The following TCEAL4 variants were observed in gnomAD, a reference collection of about 807,000 sequenced individuals.
TCEAL4 encodes transcription elongation factor A protein-like 4.
TCEAL4 carries 1 observed loss-of-function variant against 1.3 expected under a neutral mutation model. The observed-to-expected ratio is 0.79, with a 90% CI of 0.28 to 3.76. The LOEUF (loss-of-function observed/expected upper bound fraction) is 3.76. Among genes scored for constraint, TCEAL4 ranks in the 30% most tolerant of loss-of-function variants. The probability of loss-of-function intolerance (pLI) is 0.18; values close to 1 mark genes in which losing one functional copy is unlikely to be tolerated. For missense variants in TCEAL4, 129 were observed against 154.7 expected, an observed-to-expected ratio of 0.83 and a Z score of 0.88; for synonymous variants, 54 against 50.7, an observed-to-expected ratio of 1.06 and a Z score of -0.28.
chrX:103,584,175 G>A (rs776186048), upstream of TCEAL4, among the ~76,000 whole-genome samples: 6 of 111,049 alleles, frequency 5.4e-5, no homozygotes, highest in Admixed American at 9.6e-5. Flanking sequence ...TGATCCACCC[G>A]CCTCAGCTTC....
chrX:103,580,846 C>CA (rs958749285), upstream of TCEAL4, among the ~76,000 whole-genome samples: 5 of 111,251 alleles, frequency 4.5e-5, no homozygotes, highest in African/African-American at 1.6e-4. Context: ...GAACCAAGAG[C>CA]AAACAAACCC....
At chrX:103,579,812 C>T (rs1412524796) in intron 2 of TCEAL4, among the ~76,000 whole-genome samples, 2 of 111,857 alleles carry the variant, frequency 1.8e-5, no homozygotes, top group African/African-American at 6.5e-5. Flanking sequence ...GAAAATAAAG[C>T]TCTTCATTTT....
chrX:103,586,956 C>T lies in TCEAL4; in HGVS notation c.281C>T (p.Pro94Leu), dbSNP rs778736789. The T allele has an allele frequency of 3.3e-6, 4 of 1,208,960 alleles. No individual in the cohort carries two copies. The highest frequency in any genetic ancestry group is 4.5e-6 in the Non-Finnish European group (4 of 894,525). Residue 94 changes from proline to leucine, a missense_variant, in exon 3 of 3, where the codon CCA becomes CTA. Coordinates refer to ENST00000472484, the MANE Select transcript of TCEAL4 (RefSeq NM_001006935.3). ...GGAGGATCAGAGAGAGAGGGAAAAC[C>T]AGAGATAGAGGGAAAGCCAGAGAGT... ...MEGGSEREGK[P>L]EIEGKPESEG...
In TCEAL4 at chrX:103,579,997, T is replaced by C. The variant is rs1289181110; in HGVS notation, c.183+2784T>C. Among the ~76,000 whole-genome samples the C allele has an allele frequency of 1.1e-4, 12 of 112,178 alleles. No individual in the cohort carries two copies. The Admixed American group carries it at 1.1e-3, about 11-fold the overall frequency. ...TATTTCAGTACTATATTGGTTAAAA[T>C]TGTAGCCTTATAAGTCATTCTGCTT... is the stretch of plus-strand genomic sequence containing the variant. On this transcript the variant is annotated intron_variant, in intron 2 of 4. Transcript: ENST00000372629.
In TCEAL4 at chrX:103,586,751, G is replaced by A; in HGVS notation, c.76G>A (p.Asp26Asn). The A allele has an allele frequency of 8.3e-7, 1 of 1,211,982 alleles. No individual in the cohort carries two copies. Among genetic ancestry groups the A allele is most frequent in the Non-Finnish European group, 1.1e-6 (1 of 895,553 alleles). The change falls in exon 3 of 3, where the codon GAC (aspartate) becomes AAC (asparagine). Residue 26 changes from aspartate (D) to asparagine (N), a missense_variant. Physicochemically the swap from Asp to Asn is conservative, Grantham distance 23. Around this residue, in one of 2 missense-constraint regions of TCEAL4, gnomAD observed 116 missense variants for 120.3 expected, o/e 0.96. Coordinates refer to ENST00000472484, the MANE Select transcript of TCEAL4 (RefSeq NM_001006935.3). ...GATGGAAAATGAAGAACAGCCACAA[G>A]ACGAGAGAAAGCCAGAAGTAACTTG... ...GKMENEEQPQDERKPEVTCTL... is the reference protein window; with the variant it reads ...GKMENEEQPQNERKPEVTCTL...
Position 103,586,753 on chromosome X carries a change from C to T in TCEAL4, c.78C>T (p.Asp26=), listed in dbSNP as rs779513354. 1.7e-6 allele frequency: 2 copies of T among 1,210,950 alleles called. No homozygotes were observed. Among genetic ancestry groups the T allele is most frequent in the East Asian group, 3.0e-5 (1 of 33,819 alleles). The change falls in exon 3 of 3, where the codon GAC becomes GAT. Residue 26 remains aspartate (D), a synonymous_variant. Transcript: ENST00000472484. ...TGGAAAATGAAGAACAGCCACAAGA[C>T]GAGAGAAAGCCAGAAGTAACTTGTA... is the stretch of plus-strand genomic sequence containing the variant. ...GKMENEEQPQ[D]ERKPEVTCTL...
chrX:103,582,869 A>C (rs916459445), upstream of TCEAL4, among the ~76,000 whole-genome samples: 1 of 111,907 alleles, frequency 8.9e-6, no homozygotes, highest in African/African-American at 3.2e-5. Flanking sequence ...AAAAGCAACA[A>C]TTGACAAATG....
chrX:103,579,807 T>C (rs1352689932), intron 2 of TCEAL4, among the ~76,000 whole-genome samples: 2 of 112,176 alleles, frequency 1.8e-5, no homozygotes, highest in Non-Finnish European at 3.8e-5. Context: ...TGTCAGAAAA[T>C]AAAGCTCTTC....
chrX:103,580,606 G>A (rs1265564614), upstream of TCEAL4, among the ~76,000 whole-genome samples: 3 of 110,843 alleles, frequency 2.7e-5, no homozygotes, highest in Non-Finnish European at 3.8e-5. Context: ...ACCGGTGTGC[G>A]CCACCACACT....
chrX:103,581,617 T>C (rs1267673832), upstream of TCEAL4, among the ~76,000 whole-genome samples: 1 of 111,618 alleles, frequency 9.0e-6, no homozygotes, highest in African/African-American at 3.3e-5. Flanking sequence ...TGATTAATCA[T>C]ATAAACAGCA....
upstream of TCEAL4, among the ~76,000 whole-genome samples, chrX:103,584,129 T>C (rs1354979610): frequency 9.0e-6 from 1 of 110,550 alleles, no homozygotes; most frequent in Non-Finnish European, 1.9e-5. Flanking sequence ...GGTTTCACCA[T>C]CCTGGTCAGG....
exon 1 of TCEAL4, chrX:103,576,492 C>T (rs988958392): frequency 4.6e-5 from 53 of 1,160,136 alleles, no homozygotes; most frequent in Non-Finnish European, 5.6e-5. Flanking sequence ...GGCCAGGCGC[C>T]GCAGCTCACG....
At chrX:103,585,755 A>T in intron 1 of TCEAL4, 131 bp downstream of exon 1, 1 of 1,149,114 alleles carries the variant, frequency 8.7e-7, no homozygotes. Context: ...GTGGACAGAG[A>T]TGGCGGTGGG....
intron 2 of TCEAL4, among the ~76,000 whole-genome samples, chrX:103,579,137 G>T (rs985453559): frequency 8.9e-6 from 1 of 112,260 alleles, no homozygotes; most frequent in African/African-American, 3.2e-5. Flanking sequence ...AGGTATGAGG[G>T]CTTATTTCTG....
chrX:103,585,814 G>C, intron 1 of TCEAL4, 190 bp downstream of exon 1: 1 of 1,068,490 alleles, frequency 9.4e-7, no homozygotes. Context: ...GTGGGCAGAG[G>C]GTGAGGAAGG....
intron 1 of TCEAL4, 70 bp downstream of exon 1, chrX:103,585,694 G>A: frequency 1.3e-5 from 15 of 1,165,040 alleles, no homozygotes; most frequent in Non-Finnish European, 1.6e-5. Flanking sequence ...GTACGGCAGG[G>A]GGAAAGGCTG....
upstream of TCEAL4, chrX:103,585,482 T>C: frequency 1.8e-6 from 2 of 1,089,542 alleles, no homozygotes; most frequent in Non-Finnish European, 2.4e-6. Context: ...CGTGGGGCGG[T>C]GGAACTCCTG....
In TCEAL4 at chrX:103,587,225, A is replaced by T; in HGVS notation, c.550A>T (p.Arg184Ter). The T allele has an allele frequency of 8.3e-7, 1 of 1,210,919 alleles. No individual in the cohort carries two copies. Among genetic ancestry groups the T allele is most frequent in the Non-Finnish European group, 1.1e-6 (1 of 895,246 alleles). ...QKLGAFLWMQ[R>*]NLQDPFYPRG... ...ATTGGGGGCGTTTTTGTGGATGCAA[A>T]GAAATTTACAGGACCCCTTCTACCC... is the stretch of plus-strand genomic sequence containing the variant. The change falls in exon 3 of 3, where the codon AGA becomes TGA. Residue 184 changes from arginine (R) to a stop codon, truncating the protein, a stop_gained. Transcript: ENST00000472484. LOFTEE classifies it low-confidence loss of function (END_TRUNC).
At chrX:103,581,349 C>T (rs771258364), upstream of TCEAL4, among the ~76,000 whole-genome samples, 14 of 110,650 alleles carry the variant, frequency 1.3e-4, no homozygotes, top group South Asian at 3.9e-4. Context: ...GAAACTATTC[C>T]GAAAAAATTG....
Sources: gnomAD v4.1 joint callset for allele counts (sites outside exome capture counted in the v4.1 genomes callset) on GRCh38, gnomAD v4.1.1 for gene constraint, gnomAD v4.1.1 regional missense constraint, MANE v1.5 for transcripts, NCBI Gene and HGNC (gene_info 2026-07-23, HGNC 2026-07-21) for gene names.